DGKB: variants seen among roughly 807,000 people sequenced by gnomAD.
DGKB encodes 90 kDa diacylglycerol kinase.
In DGKB, 67 loss-of-function variants were observed where a neutral mutation model predicts 114.3. The ratio of observed to expected loss-of-function variants is 0.59; its 90% confidence interval spans 0.48 to 0.72. DGKB has a LOEUF of 0.72. Ranked by LOEUF, DGKB falls within the 30% of genes least tolerant of loss-of-function variation. The pLI, the probability that DGKB is intolerant of heterozygous loss-of-function variation, is 0.00. For missense variants in DGKB, 907 were observed against 975.2 expected (o/e 0.93, Z 0.93); for synonymous variants, 398 against 323.1 (o/e 1.23, Z -2.49).
At chr7:14,544,710 G>T (rs1246262893) in intron 20 of DGKB, among the ~76,000 whole-genome samples, 1 of 152,094 alleles carries the variant, frequency 6.6e-6, no homozygotes, top group African/African-American at 2.4e-5. Context: ...AAACATTGGA[G>T]TCTGGATAAT....
At chr7:14,201,084 T>C (rs1055221345) in intron 23 of DGKB, among the ~76,000 whole-genome samples, 9 of 151,944 alleles carry the variant, frequency 5.9e-5, no homozygotes, top group Non-Finnish European at 4.4e-5. Flanking sequence ...TAAACAACAA[T>C]GTATTTCTCA....
chr7:14,809,910 C>G (rs577252308), intron 2 of DGKB, among the ~76,000 whole-genome samples: 1 of 152,262 alleles, frequency 6.6e-6, no homozygotes, highest in Admixed American at 6.5e-5. Flanking sequence ...TTTGCACAAA[C>G]AAGAAAAATA....
intron 21 of DGKB, among the ~76,000 whole-genome samples, chr7:14,418,281 A>G (rs1377308814): frequency 2.1e-5 from 3 of 144,670 alleles, no homozygotes; most frequent in African/African-American, 7.5e-5. Flanking sequence ...TATTTTATAT[A>G]TGTGTGTATA....
chr7:14,861,239 T>C (rs1850933719), intron 1 of DGKB, among the ~76,000 whole-genome samples: 1 of 152,002 alleles, frequency 6.6e-6, no homozygotes, highest in Non-Finnish European at 1.5e-5. Context: ...TCCAATAAGA[T>C]GTACAAAACT....
At chr7:14,784,859 A>AT (rs986561672) in intron 2 of DGKB, among the ~76,000 whole-genome samples, 1 of 151,276 alleles carries the variant, frequency 6.6e-6, no homozygotes. Context: ...GCCTTTGGGA[A>AT]TTTTTTATAC....
At chr7:14,891,918 A>G (rs116676051) in intron 1 of DGKB, among the ~76,000 whole-genome samples, 174 of 151,464 alleles carry the variant, frequency 1.1e-3, no homozygotes, top group African/African-American at 3.9e-3. Flanking sequence ...ACCAGTTTTC[A>G]TAGTTTTGTG....
chr7:14,867,991 G>C (rs963609328), intron 1 of DGKB, among the ~76,000 whole-genome samples: 3 of 152,134 alleles, frequency 2.0e-5, no homozygotes, highest in Non-Finnish European at 4.4e-5. Context: ...TGCACGAAAA[G>C]AGATACGGGA....
At position 14,736,197 on chromosome 7, in the gene DGKB, G is replaced by GCA; in HGVS notation, c.169-4_169-3insTG. On this transcript the variant is annotated splice_region_variant and splice_polypyrimidine_tract_variant and intron_variant, in intron 4 of 25. Coordinates refer to ENST00000402815, the MANE Select transcript of DGKB (RefSeq NM_001350709.2). ...TTGAAACCTTCAAAATCTATTGTCT[G>GCA]GAAAAAAAAAATGTAAACATGTATT... is the stretch of plus-strand genomic sequence containing the variant. 1 of 139,246 alleles carries GCA rather than the reference G, an allele frequency of 7.2e-6. No individual in the cohort carries two copies. Among genetic ancestry groups the GCA allele is most frequent in the Non-Finnish European group, 1.5e-5 (1 of 66,738 alleles). 8.6% of individuals were successfully genotyped at this position (139,246 alleles called of 1,614,324 possible).
At chr7:14,874,601 A>G (rs995566354) in intron 1 of DGKB, among the ~76,000 whole-genome samples, 3 of 152,012 alleles carry the variant, frequency 2.0e-5, no homozygotes, top group African/African-American at 7.2e-5. Flanking sequence ...ACACACACAC[A>G]CATATCTATA....
At chr7:14,953,390 G>A (rs1401130819) in intron 1 of DGKB, among the ~76,000 whole-genome samples, 1 of 151,990 alleles carries the variant, frequency 6.6e-6, no homozygotes, top group Non-Finnish European at 1.5e-5. Flanking sequence ...ATGGGAGAAA[G>A]CTCTTAACAG....
chr7:14,834,525 C>G (rs1167797652), intron 2 of DGKB, among the ~76,000 whole-genome samples: 2 of 152,094 alleles, frequency 1.3e-5, no homozygotes, highest in South Asian at 2.1e-4. Flanking sequence ...AGCACACAGT[C>G]ACGAGTGCTC....
intron 1 of DGKB, among the ~76,000 whole-genome samples, chr7:14,963,418 T>C (rs1388570405): frequency 6.6e-6 from 1 of 152,156 alleles, no homozygotes; most frequent in Non-Finnish European, 1.5e-5. Context: ...TACTAAGTAT[T>C]TGATTGAAGT....
intron 20 of DGKB, among the ~76,000 whole-genome samples, chr7:14,541,933 A>G (rs1793529880): frequency 6.6e-6 from 1 of 152,126 alleles, no homozygotes. Context: ...CATCCCAGTT[A>G]TCCTACCCAA....
chr7:14,916,904 C>T (rs913329610), intron 1 of DGKB, among the ~76,000 whole-genome samples: 10 of 151,942 alleles, frequency 6.6e-5, no homozygotes, highest in African/African-American at 2.2e-4. Context: ...TAAAACACAC[C>T]TTAACAAATT....
chr7:14,341,627 C>T (rs1811613401), intron 22 of DGKB, among the ~76,000 whole-genome samples: 1 of 151,828 alleles, frequency 6.6e-6, no homozygotes, highest in African/African-American at 2.4e-5. Context: ...ATTGTCTGCT[C>T]TTTTCAGTTT....
intron 23 of DGKB, among the ~76,000 whole-genome samples, chr7:14,215,430 C>A (rs984990576): frequency 3.3e-5 from 5 of 152,108 alleles, no homozygotes; most frequent in African/African-American, 1.2e-4. Context: ...TCTCCCATCT[C>A]TTGCACGTAC....
chr7:14,647,306 A>C (rs1257028152), intron 13 of DGKB, among the ~76,000 whole-genome samples: 1 of 152,152 alleles, frequency 6.6e-6, no homozygotes, highest in Non-Finnish European at 1.5e-5. Context: ...AACAAGACTG[A>C]ATCAGAAATA....
intron 1 of DGKB, among the ~76,000 whole-genome samples, chr7:14,878,533 C>T (rs1289529149): frequency 6.6e-6 from 1 of 152,016 alleles, no homozygotes; most frequent in Non-Finnish European, 1.5e-5. Context: ...ATCACAAGGT[C>T]AGGAAATGGA....
intron 1 of DGKB, among the ~76,000 whole-genome samples, chr7:14,921,614 T>C (rs1784511590): frequency 1.3e-5 from 2 of 152,180 alleles, no homozygotes; most frequent in African/African-American, 4.8e-5. Context: ...ACATAAAATA[T>C]GTAAAGGCCA....
Sources: allele counts gnomAD v4.1 joint callset (sites outside exome capture counted in the v4.1 genomes callset), GRCh38; gene constraint gnomAD v4.1.1; transcripts MANE v1.5; gene names NCBI Gene and HGNC (gene_info 2026-07-23, HGNC 2026-07-21).